Variants in ST6GALNAC6 observed in about 807,000 individuals in gnomAD.
ST6GALNAC6 encodes the protein ST6 N-acetylgalactosaminide alpha-2,6-sialyltransferase 6, also known as alpha-N-acetylgalactosaminide alpha-2,6-sialyltransferase 6.
In ST6GALNAC6, 19 loss-of-function variants were observed where a neutral mutation model predicts 34.3. The ratio of observed to expected loss-of-function variants is 0.55; its 90% CI spans 0.39 to 0.81. ST6GALNAC6 has a LOEUF of 0.81. Among genes scored for constraint, ST6GALNAC6 ranks in the 40% least tolerant of loss-of-function variants. The pLI is 0.00. For missense variants in ST6GALNAC6, 377 were observed against 467.7 expected, an observed-to-expected ratio of 0.81 and a Z score of 1.79; for synonymous variants, 185 against 182.1, an observed-to-expected ratio of 1.02 and a Z score of -0.13.
chr9:127,901,060 G>A (rs1057473738), upstream of ST6GALNAC6, among the ~76,000 whole-genome samples: 45 of 147,128 alleles, frequency 3.1e-4, no homozygotes, highest in African/African-American at 7.9e-4. Context: ...GCATTCCACA[G>A]CTGAGTACAC....
At chr9:127,897,903 A>G in intron 2 of ST6GALNAC6, 53 bp downstream of exon 2, 1 of 1,613,424 alleles carries the variant, frequency 6.2e-7, no homozygotes, top group Admixed American at 1.7e-5. Flanking sequence ...TGAGAAGGCC[A>G]TGGTCAGTAC....
chr9:127,892,635 C>T (rs1830216243), intron 4 of ST6GALNAC6, among the ~76,000 whole-genome samples: 1 of 152,140 alleles, frequency 6.6e-6, no homozygotes, highest in Non-Finnish European at 1.5e-5. Flanking sequence ...TGCTTTTCTG[C>T]TAAGATGTAG....
At chr9:127,893,315 T>A (rs1830258819) in intron 4 of ST6GALNAC6, among the ~76,000 whole-genome samples, 1 of 152,140 alleles carries the variant, frequency 6.6e-6, no homozygotes, top group Admixed American at 6.6e-5. Flanking sequence ...AAAGAAGACA[T>A]CTTCCAAAAA....
At chr9:127,886,918 C>T (rs1829799297) in intron 6 of ST6GALNAC6, 130 bp from the exon 7 acceptor site, 3 of 968,930 alleles carry the variant, frequency 3.1e-6, no homozygotes, top group Non-Finnish European at 1.5e-6. Flanking sequence ...TCGGTTTCCC[C>T]ATCCATAAAA....
Position 127,894,598 on chromosome 9 carries a change from C to G in ST6GALNAC6, c.211G>C (p.Gly71Arg). The G allele has an allele frequency of 6.2e-7, 1 of 1,614,140 alleles. No individual in the cohort carries two copies. Among genetic ancestry groups the G allele is most frequent in the Non-Finnish European group, 8.5e-7 (1 of 1,180,026 alleles). ...CGGCGGCTACGGCCCCGCAGGGAGC[C>G]GTAATGGAAGACCTCATTGGCACTG... is the stretch of plus-strand genomic sequence containing the variant. ...SNSANEVFHY[G>R]SLRGRSRRPV... The change falls in exon 4 of 7, where the codon GGC becomes CGC. Residue 71 changes from glycine (G) to arginine (R), a missense_variant. Gly to Arg is a moderately radical substitution (Grantham distance 125). Transcript: ENST00000373146.
At chr9:127,904,372 C>G (rs1313260495), upstream of ST6GALNAC6, 4 of 152,446 alleles carry the variant, frequency 2.6e-5, no homozygotes, top group African/African-American at 9.7e-5. Flanking sequence ...GCCCTTCCCC[C>G]ACAGTCTGGG....
chr9:127,894,977 G>T (rs1830365287), intron 3 of ST6GALNAC6, among the ~76,000 whole-genome samples: 1 of 152,204 alleles, frequency 6.6e-6, no homozygotes, highest in African/African-American at 2.4e-5. Context: ...GAACATGGAA[G>T]GTTCTCCGGG....
intron 1 of ST6GALNAC6, 112 bp from the exon 2 acceptor site, chr9:127,898,122 C>T (rs991390080): frequency 5.9e-5 from 39 of 663,972 alleles, no homozygotes; most frequent in Non-Finnish European, 9.8e-5. Context: ...TGGCCGGGCG[C>T]GGTGGCTCAC....
upstream of ST6GALNAC6, among the ~76,000 whole-genome samples, chr9:127,900,113 C>G (rs913292730): frequency 6.6e-6 from 1 of 152,234 alleles, no homozygotes; most frequent in Non-Finnish European, 1.5e-5. Flanking sequence ...CTTCACAGAG[C>G]TGGGAAAACT....
upstream of ST6GALNAC6, among the ~76,000 whole-genome samples, chr9:127,900,386 C>G (rs950283570): frequency 3.3e-5 from 5 of 151,606 alleles, no homozygotes; most frequent in Admixed American, 2.0e-4. Context: ...CATGGAGAAA[C>G]CCCGTCTCTA....
At chr9:127,894,741 GC>G (rs5900777) in intron 3 of ST6GALNAC6, 50 bp from the exon 4 acceptor site, 1,587,348 of 1,587,984 alleles carry the variant, frequency 1, 793,358 homozygotes, top group Middle Eastern at 1. Context: ...CAGGCTCAGC[GC>G]CCCCACCTCC....
chr9:127,889,772 A>G (rs987545026), intron 5 of ST6GALNAC6, among the ~76,000 whole-genome samples: 2 of 152,220 alleles, frequency 1.3e-5, no homozygotes, highest in African/African-American at 4.8e-5. Flanking sequence ...TGCCATTTCT[A>G]TATATTAGCA....
intron 1 of ST6GALNAC6, 32 bp downstream of exon 1, chr9:127,899,471 C>T (rs1373516466): frequency 1.0e-6 from 1 of 958,242 alleles, no homozygotes; most frequent in Non-Finnish European, 1.2e-6. Context: ...GCCCCCGCCC[C>T]CGCGGCCTGC....
Position 127,886,636 on chromosome 9 carries a change from A to T in ST6GALNAC6, c.965T>A (p.Leu322Gln), listed in dbSNP as rs1448767660. Residue 322 changes from leucine (L) to glutamine (Q), a missense_variant, in exon 7 of 7, where the codon CTG (leucine) becomes CAG (glutamine). Transcript: ENST00000373146. The part of the protein sequence containing the change: ...EKRVFSSWAQ[L>Q]YGITFSHPSW... ...GGGGTGGGAGAAGGTGATGCCATAC[A>T]GCTGGGCCCACGATGAGAAGACCCT... is the stretch of plus-strand genomic sequence containing the variant. 1.9e-6 allele frequency: 3 copies of T among 1,611,994 alleles called. No homozygotes were observed. The highest frequency in any genetic ancestry group is 2.2e-5 in the East Asian group (1 of 44,772).
chr9:127,899,379 C>T, intron 1 of ST6GALNAC6, 124 bp downstream of exon 1: 1 of 536,840 alleles, frequency 1.9e-6, no homozygotes, highest in Non-Finnish European at 2.4e-6. Context: ...CTAGGGGTGC[C>T]GCCGGGGGAC....
intron 5 of ST6GALNAC6, among the ~76,000 whole-genome samples, chr9:127,889,892 A>C (rs1830034244): frequency 6.6e-6 from 1 of 152,216 alleles, no homozygotes; most frequent in African/African-American, 2.4e-5. Context: ...TATGTTGAAC[A>C]TATTGGGTTA....
chr9:127,888,975 T>C lies in ST6GALNAC6; in HGVS notation c.705-1384A>G, dbSNP rs559547289. Among the ~76,000 whole-genome samples the C allele has an allele frequency of 1.8e-3, 279 of 152,226 alleles. 1 individual carries two copies. Among genetic ancestry groups the C allele is most frequent in the African/African-American group, 6.3e-3 (263 of 41,534 alleles). Reference sequence around the variant, plus strand: ...AAAAAGAAGAAATAGGCATACAGATTAGAAAGGAAGAAATAAAATTGTCCT... The same window carrying C: ...AAAAAGAAGAAATAGGCATACAGATCAGAAAGGAAGAAATAAAATTGTCCT... On this transcript the variant is annotated intron_variant, in intron 5 of 6. Coordinates refer to ENST00000373146, the MANE Select transcript of ST6GALNAC6 (RefSeq NM_013443.5).
At chr9:127,888,847 A>C (rs917734342) in intron 5 of ST6GALNAC6, among the ~76,000 whole-genome samples, 1 of 152,104 alleles carries the variant, frequency 6.6e-6, no homozygotes, top group East Asian at 1.9e-4. Context: ...ACAAACACTG[A>C]ATACTTTCTC....
chr9:127,892,924 T>C (rs1830233987), intron 4 of ST6GALNAC6, among the ~76,000 whole-genome samples: 1 of 152,134 alleles, frequency 6.6e-6, no homozygotes. Context: ...AACTATCCTT[T>C]AAAAACCCTG....
Sources: allele counts gnomAD v4.1 joint callset (sites outside exome capture counted in the v4.1 genomes callset), GRCh38; gene constraint gnomAD v4.1.1; transcripts MANE v1.5; gene names NCBI Gene and HGNC (gene_info 2026-07-23, HGNC 2026-07-21).